Variants in CTNND2 observed in about 807,000 individuals in gnomAD.
The protein encoded by CTNND2 is catenin delta 2, also known as catenin delta-2.
CTNND2 carries 22 observed loss-of-function variants against 144.4 expected under a neutral mutation model. The ratio of observed to expected loss-of-function variants is 0.15; its 90% CI spans 0.11 to 0.22. The LOEUF is 0.22. Among genes scored for constraint, CTNND2 ranks in the 10% least tolerant of loss-of-function variants. CTNND2 has a pLI of 1.00. For missense variants in CTNND2, 1,353 were observed against 1,618.8 expected, an observed-to-expected ratio of 0.84 and a Z score of 2.82; for synonymous variants, 751 against 695.6, an observed-to-expected ratio of 1.08 and a Z score of -1.25.
intron 9 of CTNND2, among the ~76,000 whole-genome samples, chr5:11,339,653 G>A (rs1391547815): frequency 2.0e-5 from 3 of 152,168 alleles, no homozygotes; most frequent in South Asian, 4.1e-4. Flanking sequence ...GCATTAGGAG[G>A]TGGAGATGTT....
intron 16 of CTNND2, among the ~76,000 whole-genome samples, chr5:11,071,735 C>T (rs1561258167): frequency 6.6e-6 from 1 of 152,000 alleles, no homozygotes; most frequent in South Asian, 2.1e-4. Context: ...GGAACCCCCA[C>T]AGAGTGCGCG....
intron 18 of CTNND2, among the ~76,000 whole-genome samples, chr5:11,013,859 C>T (rs1741339382): frequency 6.6e-6 from 1 of 152,162 alleles, no homozygotes; most frequent in African/African-American, 2.4e-5. Flanking sequence ...GGGGTGTGAG[C>T]CCGAGACTGG....
intron 2 of CTNND2, among the ~76,000 whole-genome samples, chr5:11,677,541 A>C (rs1028046127): frequency 3.3e-5 from 5 of 152,204 alleles, no homozygotes; most frequent in Admixed American, 3.3e-4. Context: ...CTTAGAAATG[A>C]ATTAATATAA....
chr5:11,284,170 G>A (rs142443129), intron 9 of CTNND2, among the ~76,000 whole-genome samples: 24 of 152,322 alleles, frequency 1.6e-4, no homozygotes, highest in Non-Finnish European at 3.2e-4. Context: ...TGGAGAGCGT[G>A]AGGCACCATC....
intron 7 of CTNND2, among the ~76,000 whole-genome samples, chr5:11,365,294 C>T (rs1397051087): frequency 6.6e-6 from 1 of 152,172 alleles, no homozygotes; most frequent in Non-Finnish European, 1.5e-5. Context: ...AAATGGCGAG[C>T]CACAATGGCA....
At chr5:11,802,349 C>T (rs1324178908) in intron 1 of CTNND2, among the ~76,000 whole-genome samples, 2 of 152,004 alleles carry the variant, frequency 1.3e-5, no homozygotes, top group Non-Finnish European at 2.9e-5. Context: ...AGGAGGATCA[C>T]CTGAGGTCAG....
intron 3 of CTNND2, among the ~76,000 whole-genome samples, chr5:11,435,013 A>G (rs1311735024): frequency 1.3e-5 from 2 of 152,114 alleles, no homozygotes; most frequent in African/African-American, 4.8e-5. Flanking sequence ...TCCAAATAAG[A>G]CATTTTACTT....
At chr5:11,069,469 T>C (rs1011001849) in intron 16 of CTNND2, among the ~76,000 whole-genome samples, 3 of 152,176 alleles carry the variant, frequency 2.0e-5, no homozygotes, top group Non-Finnish European at 4.4e-5. Flanking sequence ...GAAAATGTTA[T>C]CCGTAGGGAC....
intron 18 of CTNND2, among the ~76,000 whole-genome samples, chr5:10,996,426 G>A (rs923887060): frequency 7.6e-6 from 1 of 131,928 alleles, no homozygotes; most frequent in East Asian, 2.5e-4. Flanking sequence ...CAAGAAAGAC[G>A]ACTGCTCCAA....
chr5:11,798,882 A>T (rs1195517346), intron 1 of CTNND2, among the ~76,000 whole-genome samples: 1 of 152,214 alleles, frequency 6.6e-6, no homozygotes, highest in Non-Finnish European at 1.5e-5. Context: ...GGGCCATACA[A>T]AACACAGTAT....
intron 1 of CTNND2, among the ~76,000 whole-genome samples, chr5:11,893,734 A>T (rs1347262030): frequency 6.6e-6 from 1 of 152,178 alleles, no homozygotes; most frequent in Non-Finnish European, 1.5e-5. Context: ...CTAGGTCCAC[A>T]GGCTAAGTAC....
intron 9 of CTNND2, among the ~76,000 whole-genome samples, chr5:11,329,259 G>A (rs867764017): frequency 1.3e-5 from 2 of 152,120 alleles, no homozygotes; most frequent in Admixed American, 6.6e-5. Flanking sequence ...GGGTTCAAGC[G>A]ATTCTCCTGC....
chr5:11,185,641 G>C (rs541369718), intron 11 of CTNND2, among the ~76,000 whole-genome samples: 36 of 152,274 alleles, frequency 2.4e-4, no homozygotes, highest in African/African-American at 8.7e-4. Flanking sequence ...AAAGAGTTTT[G>C]CATGTGCAAA....
intron 9 of CTNND2, among the ~76,000 whole-genome samples, chr5:11,283,305 T>C (rs540398657): frequency 6.6e-6 from 1 of 152,248 alleles, no homozygotes; most frequent in South Asian, 2.1e-4. Context: ...TTTGGTATTT[T>C]CTATGGTATA....
chr5:11,695,032 G>C (rs1438636528), intron 2 of CTNND2, among the ~76,000 whole-genome samples: 2 of 152,090 alleles, frequency 1.3e-5, no homozygotes, highest in African/African-American at 4.8e-5. Context: ...AATGTTGTTA[G>C]GGTTATCGAA....
intron 1 of CTNND2, among the ~76,000 whole-genome samples, chr5:11,834,950 C>A (rs1192508716): frequency 2.0e-5 from 3 of 152,104 alleles, no homozygotes; most frequent in African/African-American, 7.2e-5. Context: ...AGCAGCCTGG[C>A]CAACATGGCA....
At chr5:11,197,821 C>T (rs182287360) in intron 11 of CTNND2, among the ~76,000 whole-genome samples, 4 of 152,302 alleles carry the variant, frequency 2.6e-5, no homozygotes, top group East Asian at 3.9e-4. Flanking sequence ...ACCTTTGGCA[C>T]GTGGCTGAGT....
intron 1 of CTNND2, among the ~76,000 whole-genome samples, chr5:11,757,482 A>T (rs561009474): frequency 2.6e-5 from 4 of 151,910 alleles, no homozygotes; most frequent in Non-Finnish European, 5.9e-5. Context: ...ATTCCTAGAA[A>T]TGAATTTGCT....
chr5:11,880,657 T>A (rs941693583), intron 1 of CTNND2, among the ~76,000 whole-genome samples: 1 of 96,376 alleles, frequency 1.0e-5, no homozygotes, highest in Non-Finnish European at 2.1e-5. Flanking sequence ...ACTACTACTA[T>A]CACCACTACT....
Sources: allele counts gnomAD v4.1 joint callset (sites outside exome capture counted in the v4.1 genomes callset), GRCh38; gene constraint gnomAD v4.1.1; transcripts MANE v1.5; gene names NCBI Gene and HGNC (gene_info 2026-07-23, HGNC 2026-07-21).